Variants in USP25 observed in about 807,000 individuals in gnomAD.
USP25 encodes ubiquitin specific peptidase 25.
A neutral mutation model predicts 158.5 loss-of-function variants in USP25; 85 were observed. The observed-to-expected ratio is 0.54, with a 90% CI of 0.45 to 0.64. USP25 has a LOEUF of 0.64. USP25 is among the 30% of genes least tolerant of loss of function. USP25 has a pLI of 0.00. For missense variants in USP25, 1,242 were observed against 1,327.3 expected (o/e 0.94, Z 1.00); for synonymous variants, 464 against 460.4 (o/e 1.01, Z -0.10).
chr21:15,744,484 C>A (rs142309644), intron 1 of USP25, among the ~76,000 whole-genome samples: 1 of 152,080 alleles, frequency 6.6e-6, no homozygotes, highest in Non-Finnish European at 1.5e-5. Context: ...CGCCACCAGG[C>A]CTGGCTAATT....
chr21:15,768,219 A>G (rs538924852), intron 3 of USP25, among the ~76,000 whole-genome samples: 3 of 152,200 alleles, frequency 2.0e-5, no homozygotes, highest in African/African-American at 7.2e-5. Context: ...ATAATACGTA[A>G]TATGTATCAA....
At position 15,811,117 on chromosome 21, in the gene USP25, T is replaced by C. The variant is rs2036638595; in HGVS notation, c.858-20T>C. ...GGTCCGAAAATTGTAATCACATTTA[T>C]ATTTTTTAACATACTTTAGGGATGA... On this transcript the variant is annotated intron_variant, in intron 8 of 25. Transcript: ENST00000400183. The C allele has an allele frequency of 6.9e-6, 11 of 1,594,604 alleles. No homozygotes were observed. The highest frequency in any genetic ancestry group is 9.4e-6 in the Non-Finnish European group (11 of 1,172,628).
chr21:15,820,881 A>G (rs2037197559), intron 10 of USP25, among the ~76,000 whole-genome samples: 1 of 152,008 alleles, frequency 6.6e-6, no homozygotes, highest in Non-Finnish European at 1.5e-5. Flanking sequence ...CTTCCAAGCT[A>G]AAACATCCAA....
chr21:15,821,137 C>A (rs1001138322), intron 10 of USP25, among the ~76,000 whole-genome samples: 3 of 151,846 alleles, frequency 2.0e-5, no homozygotes, highest in African/African-American at 7.2e-5. Context: ...TTCACTACTA[C>A]CAGTGTGTGC....
At chr21:15,743,002 G>T (rs752019045) in intron 1 of USP25, among the ~76,000 whole-genome samples, 2 of 152,256 alleles carry the variant, frequency 1.3e-5, no homozygotes, top group Non-Finnish European at 2.9e-5. Context: ...GAGCCCCAAG[G>T]GGGTGTCATA....
At chr21:15,765,976 C>T (rs534476037) in intron 2 of USP25, 21 bp from the exon 3 acceptor site, 5 of 1,591,560 alleles carry the variant, frequency 3.1e-6, no homozygotes, top group African/African-American at 2.7e-5. Flanking sequence ...ACACTTGATA[C>T]TCCTTTCTTG....
At chr21:15,758,039 C>A (rs1249583161) in intron 1 of USP25, among the ~76,000 whole-genome samples, 1 of 152,138 alleles carries the variant, frequency 6.6e-6, no homozygotes, top group Non-Finnish European at 1.5e-5. Context: ...GTAACTGAGA[C>A]TCTGCTTCTA....
chr21:15,763,642 T>C (rs564527202), intron 2 of USP25, among the ~76,000 whole-genome samples: 1 of 152,292 alleles, frequency 6.6e-6, no homozygotes, highest in South Asian at 2.1e-4. Flanking sequence ...TACTATAGGC[T>C]AAAAACAATA....
At chr21:15,756,511 A>G (rs1193778721) in intron 1 of USP25, among the ~76,000 whole-genome samples, 2 of 152,162 alleles carry the variant, frequency 1.3e-5, no homozygotes, top group Non-Finnish European at 2.9e-5. Context: ...TCAAAAAGTT[A>G]TACTGATGTT....
chr21:15,873,782 C>T (rs551559548), intron 23 of USP25, among the ~76,000 whole-genome samples: 5 of 152,094 alleles, frequency 3.3e-5, no homozygotes, highest in East Asian at 1.9e-4. Context: ...TGTGAGCCGC[C>T]GCACCCGGCC....
intron 4 of USP25, among the ~76,000 whole-genome samples, chr21:15,784,428 T>C (rs2035159102): frequency 6.6e-6 from 1 of 151,930 alleles, no homozygotes; most frequent in Non-Finnish European, 1.5e-5. Flanking sequence ...CAAAATTAGC[T>C]GAGCATGGTG....
At chr21:15,790,616 T>C (rs911270634) in intron 4 of USP25, among the ~76,000 whole-genome samples, 3 of 151,654 alleles carry the variant, frequency 2.0e-5, no homozygotes, top group African/African-American at 4.8e-5. Flanking sequence ...CTGAATGTTA[T>C]TTATGCTGAT....
intron 1 of USP25, among the ~76,000 whole-genome samples, chr21:15,743,477 G>A (rs947048772): frequency 6.6e-6 from 1 of 152,196 alleles, no homozygotes; most frequent in African/African-American, 2.4e-5. Context: ...GTGTGAGGGG[G>A]CCCCAAAAGC....
chr21:15,734,159 C>T (rs539497169), intron 1 of USP25, among the ~76,000 whole-genome samples: 109 of 152,260 alleles, frequency 7.2e-4, no homozygotes, highest in Middle Eastern at 6.8e-3. Context: ...TCTAACAGAT[C>T]TACAGTCAAC....
chr21:15,733,459 A>G (rs781642497), intron 1 of USP25, among the ~76,000 whole-genome samples: 4 of 152,090 alleles, frequency 2.6e-5, no homozygotes, highest in Non-Finnish European at 5.9e-5. Flanking sequence ...GAGGCTGGGC[A>G]TGGTGGCTCA....
intron 17 of USP25, 150 bp downstream of exon 17, chr21:15,833,698 C>T (rs2037922363): frequency 2.7e-6 from 2 of 739,670 alleles, no homozygotes; most frequent in Admixed American, 3.0e-5. Flanking sequence ...TCACAGTTAA[C>T]AATTTAGTTT....
chr21:15,836,880 G>A (rs934633220), intron 17 of USP25, among the ~76,000 whole-genome samples: 2 of 143,144 alleles, frequency 1.4e-5, no homozygotes, highest in Non-Finnish European at 3.1e-5. Flanking sequence ...CCTGAATACT[G>A]TTGTTGAGAT....
intron 20 of USP25, among the ~76,000 whole-genome samples, chr21:15,853,368 C>T (rs1355881224): frequency 6.6e-6 from 1 of 152,136 alleles, no homozygotes; most frequent in Non-Finnish European, 1.5e-5. Context: ...CACACATGTA[C>T]ACCCACACAG....
At chr21:15,827,353 C>T in intron 14 of USP25, 150 bp downstream of exon 14, 1 of 720,276 alleles carries the variant, frequency 1.4e-6, no homozygotes, top group East Asian at 2.8e-5. Context: ...ACTAGTTTGG[C>T]TCCCCATTTT....
Sources: gnomAD v4.1 joint callset for allele counts (sites outside exome capture counted in the v4.1 genomes callset) on GRCh38, gnomAD v4.1.1 for gene constraint, MANE v1.5 for transcripts, NCBI Gene and HGNC (gene_info 2026-07-23, HGNC 2026-07-21) for gene names.